Variants in TEF observed in about 807,000 individuals in gnomAD.
TEF encodes the protein TEF transcription factor, PAR bZIP family member.
A neutral mutation model predicts 20.8 loss-of-function variants in TEF; 3 were observed. The ratio of observed to expected loss-of-function variants is 0.14; its 90% CI spans 0.07 to 0.37. The LOEUF is 0.37. TEF is among the 10% of genes least tolerant of loss of function. The pLI, the probability that TEF is intolerant of heterozygous loss-of-function variation, is 1.00. For missense variants in TEF, 296 were observed against 397.9 expected (o/e 0.74, Z 2.18); for synonymous variants, 180 against 171.1 (o/e 1.05, Z -0.41).
At chr22:41,388,737 C>G (rs1286852585) in intron 2 of TEF, among the ~76,000 whole-genome samples, 4 of 152,118 alleles carry the variant, frequency 2.6e-5, no homozygotes, top group Admixed American at 1.3e-4. Context: ...GCTCCTGTTG[C>G]AGGGGTTCTG....
chr22:41,374,534 T>C (rs1601811807), intron 1 of TEF, among the ~76,000 whole-genome samples: 3 of 147,984 alleles, frequency 2.0e-5, no homozygotes, highest in South Asian at 4.3e-4. Flanking sequence ...CCTGGACAAC[T>C]GAGCAAGACT....
chr22:41,369,145 G>A (rs1351939609), intron 1 of TEF: 41 of 985,272 alleles, frequency 4.2e-5, no homozygotes, highest in Admixed American at 2.5e-4. Flanking sequence ...TCTCAGGGGC[G>A]ACTCGGGGCA....
intron 2 of TEF, among the ~76,000 whole-genome samples, chr22:41,391,429 G>A (rs2037164356): frequency 1.3e-5 from 2 of 150,418 alleles, no homozygotes. Context: ...GGGTTCAAGC[G>A]AGTCTCCTGC....
chr22:41,392,070 A>G (rs529210665), intron 2 of TEF, among the ~76,000 whole-genome samples: 5 of 152,336 alleles, frequency 3.3e-5, no homozygotes, highest in East Asian at 3.9e-4. Context: ...CAGGTATTCA[A>G]TAAGTATCTG....
intron 2 of TEF, among the ~76,000 whole-genome samples, 163 bp from the exon 3 acceptor site, chr22:41,393,933 C>T (rs942707546): frequency 6.6e-6 from 1 of 152,072 alleles, no homozygotes; most frequent in Admixed American, 6.6e-5. Context: ...GGAATTGAAC[C>T]GTGTGCCAGT....
At chr22:41,372,093 T>C (rs1307651995) in intron 1 of TEF, among the ~76,000 whole-genome samples, 1 of 152,214 alleles carries the variant, frequency 6.6e-6, no homozygotes, top group East Asian at 1.9e-4. Context: ...GAGAGGGCCT[T>C]CTATGTGCTG....
At chr22:41,394,885 G>C (rs574859943) in intron 3 of TEF, among the ~76,000 whole-genome samples, 1 of 152,294 alleles carries the variant, frequency 6.6e-6, no homozygotes, top group African/African-American at 2.4e-5. Context: ...TCTGTAAAAC[G>C]GGAGCAACTG....
intron 1 of TEF, among the ~76,000 whole-genome samples, chr22:41,370,619 C>A (rs2036873140): frequency 6.6e-6 from 1 of 151,986 alleles, no homozygotes; most frequent in Non-Finnish European, 1.5e-5. Context: ...ACCATGTTGG[C>A]CAGGCTGGTC....
At chr22:41,383,371 C>T (rs1046543186) in intron 1 of TEF, among the ~76,000 whole-genome samples, 3 of 152,152 alleles carry the variant, frequency 2.0e-5, no homozygotes, top group African/African-American at 7.2e-5. Context: ...AAATCTGGGG[C>T]TGAGACAAGC....
intron 1 of TEF, among the ~76,000 whole-genome samples, chr22:41,385,931 C>T (rs138557967): frequency 0.059 from 8,910 of 151,780 alleles, 992 homozygotes; most frequent in East Asian, 0.44. Flanking sequence ...GTGATCCACC[C>T]GCCTCAGCCT....
At chr22:41,382,840 A>G (rs911027022) in intron 1 of TEF, 1 of 467,292 alleles carries the variant, frequency 2.1e-6, no homozygotes, top group Non-Finnish European at 4.5e-6. Flanking sequence ...TGGGCCAAGC[A>G]GAGAAACGAT....
At chr22:41,372,826 G>A (rs1351374187) in intron 1 of TEF, among the ~76,000 whole-genome samples, 2 of 151,870 alleles carry the variant, frequency 1.3e-5, no homozygotes, top group Non-Finnish European at 2.9e-5. Context: ...ACTGAGGCCT[G>A]GAGGCCTGGA....
rs550808241 is a variant in TEF at position 41,396,320 on chromosome 22, G to C, written c.*360G>C. The C allele has an allele frequency of 3.1e-4, 71 of 230,628 alleles. 1 individual carries two copies. The Admixed American group carries it at 3.2e-3, about 10-fold the overall frequency. The allele number at this position is 230,628 out of a possible 1,614,324, so 14.3% of individuals were successfully genotyped here. Reference sequence around the variant, plus strand: ...TCTCCCTCAGTCTCCAGCCTGGGCTGCCGAGGGCTATCTCTGCAGAATGAG... The same window carrying C: ...TCTCCCTCAGTCTCCAGCCTGGGCTCCCGAGGGCTATCTCTGCAGAATGAG... On this transcript the variant is annotated 3_prime_UTR_variant, in exon 4 of 4. Transcript: ENST00000266304.
At chr22:41,369,726 T>C (rs1421571496) in intron 1 of TEF, among the ~76,000 whole-genome samples, 1 of 152,174 alleles carries the variant, frequency 6.6e-6, no homozygotes, top group Non-Finnish European at 1.5e-5. Context: ...TGTACTTAAG[T>C]AGTTGTTGAA....
intron 2 of TEF, among the ~76,000 whole-genome samples, chr22:41,391,381 A>G (rs1053690636): frequency 6.7e-6 from 1 of 150,322 alleles, no homozygotes; most frequent in Non-Finnish European, 1.5e-5. Context: ...GCTGGAGTGC[A>G]GTGGTGTGAT....
intron 1 of TEF, 103 bp from the exon 2 acceptor site, chr22:41,387,248 G>A (rs2037108846): frequency 1.6e-6 from 2 of 1,261,724 alleles, no homozygotes; most frequent in Non-Finnish European, 2.2e-6. Context: ...GTTGGAATCG[G>A]GGCTCTGAGA....
At chr22:41,381,386 C>A (rs1365069964), upstream of TEF, among the ~76,000 whole-genome samples, 1 of 152,070 alleles carries the variant, frequency 6.6e-6, no homozygotes, top group Non-Finnish European at 1.5e-5. Flanking sequence ...TTGGCTGTTC[C>A]CGCGCCTTCC....
At chr22:41,382,345 G>A (rs1027670069) in intron 1 of TEF, 144 bp downstream of exon 1, 7 of 748,812 alleles carry the variant, frequency 9.3e-6, no homozygotes, top group African/African-American at 9.1e-5. Flanking sequence ...CAGGAGCCTG[G>A]AGGACGAGGC....
intron 2 of TEF, among the ~76,000 whole-genome samples, chr22:41,393,340 CAAAA>C (rs34533572): frequency 5.5e-5 from 7 of 127,730 alleles, no homozygotes; most frequent in South Asian, 2.5e-4. Context: ...GACCCTGTCT[CAAAA>C]AAAAAAAAAA....
Sources: allele counts gnomAD v4.1 joint callset (sites outside exome capture counted in the v4.1 genomes callset), GRCh38; gene constraint gnomAD v4.1.1; transcripts MANE v1.5; gene names NCBI Gene and HGNC (gene_info 2026-07-23, HGNC 2026-07-21).